The following STXBP5 variants were observed in gnomAD, a reference collection of about 807,000 sequenced individuals.
The protein encoded by STXBP5 is syntaxin-binding protein 5.
STXBP5 carries 50 observed loss-of-function variants against 152.4 expected under a neutral mutation model. That is an observed-to-expected ratio of 0.33 (90% confidence interval 0.26 to 0.42). STXBP5 has a LOEUF of 0.42. Ranked by LOEUF, STXBP5 falls within the 10% of genes least tolerant of loss-of-function variation. The pLI is 1.00. For synonymous variants in STXBP5, 492 were observed against 494.7 expected (o/e 0.99, Z 0.07); for missense variants, 1,167 against 1,388.6 (o/e 0.84, Z 2.54).
At chr6:147,343,580 G>C (rs769174142) in intron 21 of STXBP5, among the ~76,000 whole-genome samples, 5 of 152,094 alleles carry the variant, frequency 3.3e-5, no homozygotes, top group Admixed American at 3.3e-4. Context: ...CTTGAGTCTT[G>C]TTTTACTATG....
chr6:147,239,034 G>A, intron 3 of STXBP5, 136 bp from the exon 4 acceptor site: 2 of 687,920 alleles, frequency 2.9e-6, no homozygotes, highest in Non-Finnish European at 4.7e-6. Flanking sequence ...TTTGAATGAG[G>A]CAAATGTTTC....
intron 4 of STXBP5, among the ~76,000 whole-genome samples, chr6:147,259,289 G>A (rs1400415235): frequency 6.6e-6 from 1 of 152,076 alleles, no homozygotes; most frequent in African/African-American, 2.4e-5. Flanking sequence ...TAGTTTTACA[G>A]TTGACTGAGG....
rs1779597468 is a variant in STXBP5, at chr6:147,260,629, A to G, written c.446A>G (p.His149Arg). 3.1e-6 allele frequency: 5 copies of G among 1,613,710 alleles called. No homozygotes were observed. Among genetic ancestry groups the G allele is most frequent in the Non-Finnish European group, 4.2e-6 (5 of 1,179,706 alleles). ...KFCRERVTFC[H>R]LPFQSKWLYV... ...TTCTCTTGCAGGGTTACATTTTGCC[A>G]TCTGCCTTTCCAGAGTAAGTGGCTC... The change falls in exon 5 of 28, where the codon CAT (histidine) becomes CGT (arginine). Residue 149 changes from histidine to arginine, a missense_variant. His to Arg is a conservative substitution (Grantham distance 29). Coordinates refer to ENST00000321680, the MANE Select transcript of STXBP5 (RefSeq NM_001127715.4).
At chr6:147,364,798 T>A (rs1346558176) in intron 25 of STXBP5, among the ~76,000 whole-genome samples, 1 of 152,206 alleles carries the variant, frequency 6.6e-6, no homozygotes, top group African/African-American at 2.4e-5. Flanking sequence ...TGATATTTGA[T>A]ATTTAGAGGA....
chr6:147,375,588 G>A (rs1054891880), intron 26 of STXBP5, among the ~76,000 whole-genome samples: 1 of 151,216 alleles, frequency 6.6e-6, no homozygotes, highest in African/African-American at 2.4e-5. Context: ...TCTCAAGAAG[G>A]AAATAGGAAG....
chr6:147,309,219 A>C (rs1421970214), intron 9 of STXBP5, among the ~76,000 whole-genome samples: 1 of 152,166 alleles, frequency 6.6e-6, no homozygotes, highest in Admixed American at 6.6e-5. Flanking sequence ...AAGGAGGAAG[A>C]TAGATACACT....
intron 18 of STXBP5, among the ~76,000 whole-genome samples, chr6:147,330,042 T>C (rs1783491060): frequency 6.6e-6 from 1 of 152,146 alleles, no homozygotes; most frequent in African/African-American, 2.4e-5. Context: ...CAAAACTGTT[T>C]AGGCTAAGTT....
chr6:147,359,729 C>G (rs544588930), intron 23 of STXBP5, among the ~76,000 whole-genome samples: 3 of 149,844 alleles, frequency 2.0e-5, no homozygotes, highest in South Asian at 4.3e-4. Flanking sequence ...TTTGTTCTTG[C>G]GATAGTTTAC....
chr6:147,217,188 CGT>C, intron 2 of STXBP5, among the ~76,000 whole-genome samples: 1 of 151,742 alleles, frequency 6.6e-6, no homozygotes, highest in African/African-American at 2.4e-5. Context: ...TTCCTTTGTG[CGT>C]TTGTCTCTTT....
At chr6:147,245,384 C>G (rs1317447608) in intron 4 of STXBP5, among the ~76,000 whole-genome samples, 1 of 152,134 alleles carries the variant, frequency 6.6e-6, no homozygotes, top group Non-Finnish European at 1.5e-5. Context: ...TAAATATCCT[C>G]CTTAATTAGC....
At chr6:147,377,196 G>GT (rs1457701835) in intron 26 of STXBP5, among the ~76,000 whole-genome samples, 1 of 152,080 alleles carries the variant, frequency 6.6e-6, no homozygotes, top group East Asian at 1.9e-4. Flanking sequence ...ACAAAGATAA[G>GT]TTTAAATCCT....
At chr6:147,356,854 C>T (rs1038626594) in intron 22 of STXBP5, among the ~76,000 whole-genome samples, 6 of 152,074 alleles carry the variant, frequency 3.9e-5, no homozygotes, top group Non-Finnish European at 8.8e-5. Flanking sequence ...TCCTTTCTTT[C>T]ACAATAGCAT....
At position 147,356,103 on chromosome 6, in the gene STXBP5, A is replaced by T. The variant is rs571430004; in HGVS notation, c.2305+2730A>T. Among the ~76,000 whole-genome samples, 3 of 152,266 alleles carry T rather than the reference A, an allele frequency of 2.0e-5. No individual in the cohort carries two copies. The East Asian group carries it at 5.8e-4, about 29-fold the overall frequency. Reference sequence around the variant, plus strand: ...TTGGTAATCTAATTTTTATAGATAAATTATGTAATAAAAATGCAATTTTAG... The same window carrying T: ...TTGGTAATCTAATTTTTATAGATAATTTATGTAATAAAAATGCAATTTTAG... On this transcript the variant is annotated intron_variant, in intron 22 of 27. Transcript: ENST00000321680.
chr6:147,216,680 A>G (rs942937284), intron 2 of STXBP5, among the ~76,000 whole-genome samples: 4 of 152,156 alleles, frequency 2.6e-5, no homozygotes, highest in Admixed American at 1.3e-4. Context: ...TTTTGGAAGT[A>G]TATGTAAAAA....
intron 2 of STXBP5, among the ~76,000 whole-genome samples, chr6:147,208,574 T>C (rs976141823): frequency 1.3e-5 from 2 of 152,172 alleles, no homozygotes; most frequent in African/African-American, 4.8e-5. Flanking sequence ...CTTCTTGTAT[T>C]AGACTCTTGT....
In STXBP5 at chr6:147,360,509, AAAATAATTACTAT is replaced by A. The variant is rs1785015780; in HGVS notation, c.2545+1187_2545+1199del. On this transcript the variant is annotated intron_variant, in intron 23 of 27. Transcript: ENST00000321680. ...TTTTTTAAACTTTGGGATCTTGTGT[AAAATAATTACTAT>A]GTAAGAAAATTTTTTTTAAAAGTTA... Among the ~76,000 whole-genome samples the A allele has an allele frequency of 2.6e-5, 4 of 152,184 alleles. No individual in the cohort carries two copies. The South Asian group carries it at 8.3e-4, about 32-fold the overall frequency.
In STXBP5 at chr6:147,382,858, G is replaced by C; in HGVS notation, c.3274G>C (p.Gly1092Arg). 4 of 1,613,510 alleles carry C rather than the reference G, an allele frequency of 2.5e-6. No homozygotes were observed. The highest frequency in any genetic ancestry group is 2.5e-6 in the Non-Finnish European group (3 of 1,179,674). ...CCCTGGTGGCATTGAAGGCGTAAAA[G>C]GGGCAGCATCTGGAGTTGTTGGTGA... Reference protein sequence around the residue: ...PGPGGIEGVKGAASGVVGELA... With the variant: ...PGPGGIEGVKRAASGVVGELA... Residue 1092 changes from glycine to arginine, a missense_variant, in exon 27 of 28, where the codon GGG (glycine) becomes CGG (arginine). Gly to Arg is a moderately radical substitution (Grantham distance 125, BLOSUM62 -2). This residue lies in a region of STXBP5 where 833 missense variants were observed against 986.3 expected (regional missense o/e 0.84). Coordinates refer to ENST00000321680, the MANE Select transcript of STXBP5 (RefSeq NM_001127715.4).
chr6:147,213,477 T>TGTGTGCGCGCGCGCGCGCGCGCGCGCGC, intron 2 of STXBP5, among the ~76,000 whole-genome samples: 3 of 131,320 alleles, frequency 2.3e-5, no homozygotes, highest in Non-Finnish European at 4.7e-5. Flanking sequence ...TGTGTGTGTG[T>TGTGTGCGCGCGCGCGCGCGCGCGCGCGC]GCGCGCGCAT....
intron 19 of STXBP5, among the ~76,000 whole-genome samples, chr6:147,336,939 T>C (rs993921069): frequency 6.6e-6 from 1 of 152,074 alleles, no homozygotes; most frequent in Non-Finnish European, 1.5e-5. Flanking sequence ...AAAGCTATCT[T>C]CAGAAATCAT....
Sources: gnomAD v4.1 joint callset for allele counts (sites outside exome capture counted in the v4.1 genomes callset) on GRCh38, gnomAD v4.1.1 for gene constraint, gnomAD v4.1.1 regional missense constraint, MANE v1.5 for transcripts, NCBI Gene and HGNC (gene_info 2026-07-23, HGNC 2026-07-21) for gene names.